HSP90AA1: variants seen among roughly 807,000 people sequenced by gnomAD.
HSP90AA1 encodes heat shock protein 90 alpha family class A member 1.
HSP90AA1 carries 18 observed loss-of-function variants against 73.3 expected under a neutral mutation model. The ratio of observed to expected loss-of-function variants is 0.25; its 90% CI spans 0.17 to 0.36. The LOEUF (loss-of-function observed/expected upper bound fraction) is 0.36, where lower values mean the gene tolerates loss of function less well. HSP90AA1 is among the 10% of genes least tolerant of loss of function. The pLI, the probability that HSP90AA1 is intolerant of heterozygous loss-of-function variation, is 1.00. For synonymous variants in HSP90AA1, 477 were observed against 296.9 expected (o/e 1.61, Z -6.24); for missense variants, 704 against 874.2 (o/e 0.81, Z 2.45).
At chr14:102,082,532 A>C (rs932607931) in intron 9 of HSP90AA1, 88 bp from the exon 10 acceptor site, 40 of 958,866 alleles carry the variant, frequency 4.2e-5, no homozygotes, top group Non-Finnish European at 6.3e-5. Context: ...CCCAAATTTC[A>C]ATAGATCCAA....
chr14:102,137,575 G>A (rs755910441), intron 1 of HSP90AA1, among the ~76,000 whole-genome samples: 6 of 151,974 alleles, frequency 3.9e-5, no homozygotes, highest in East Asian at 3.9e-4. Context: ...TGCCCGCCTC[G>A]GCCTCCCAAA....
rs2049097494 is a variant in HSP90AA1 at position 102,081,497 on chromosome 14, C to G, written c.*215G>C. 1.7e-6 allele frequency: 1 copy of G among 594,256 alleles called. No individual in the cohort carries two copies. The highest frequency in any genetic ancestry group is 1.9e-5 in the African/African-American group (1 of 53,734). The allele number at this position is 594,256 out of a possible 1,614,324, so 36.8% of individuals were successfully genotyped here. On this transcript the variant is annotated 3_prime_UTR_variant, in exon 11 of 11. Transcript: ENST00000216281. ...CGTTACCCCAATCTGTGAAAATAAA[C>G]CAACATGAAACTCAAAAAGCATTAC...
At chr14:102,111,156 C>A (rs2049636664) in intron 1 of HSP90AA1, among the ~76,000 whole-genome samples, 1 of 152,204 alleles carries the variant, frequency 6.6e-6, no homozygotes, top group Non-Finnish European at 1.5e-5. Context: ...TAACGAGGAG[C>A]TGAATGTTAA....
intron 2 of HSP90AA1, among the ~76,000 whole-genome samples, chr14:102,098,254 C>A (rs993041113): frequency 1.3e-5 from 2 of 151,620 alleles, no homozygotes; most frequent in Non-Finnish European, 2.9e-5. Flanking sequence ...CTCCGCCTCC[C>A]GGGTTCAAGC....
intron 1 of HSP90AA1, among the ~76,000 whole-genome samples, chr14:102,122,431 CA>C (rs1466712184): frequency 6.6e-6 from 1 of 151,888 alleles, no homozygotes; most frequent in Admixed American, 6.6e-5. Flanking sequence ...CAGGTGCCCA[CA>C]ACCACACCCG....
chr14:102,120,226 G>A (rs1041891253), intron 1 of HSP90AA1, among the ~76,000 whole-genome samples: 20 of 152,040 alleles, frequency 1.3e-4, no homozygotes, highest in Admixed American at 1.3e-3. Context: ...AGGCATGGTG[G>A]CATGTGCCTG....
intron 1 of HSP90AA1, among the ~76,000 whole-genome samples, chr14:102,135,088 T>C (rs1339020346): frequency 6.6e-6 from 1 of 152,086 alleles, no homozygotes. Context: ...AACCTTGAGC[T>C]AAACACAGGG....
At chr14:102,124,194 T>TTG (rs1166364806) in intron 1 of HSP90AA1, among the ~76,000 whole-genome samples, 1 of 149,178 alleles carries the variant, frequency 6.7e-6, no homozygotes, top group East Asian at 2.0e-4. Flanking sequence ...ATGCTAATTT[T>TTG]TTTTTTTTTT....
intron 1 of HSP90AA1, chr14:102,139,206 T>G: frequency 6.2e-7 from 1 of 1,611,458 alleles, no homozygotes; most frequent in South Asian, 1.1e-5. Flanking sequence ...CTACCCCGCC[T>G]GAAATAAAAC....
chr14:102,139,177 AC>A, intron 1 of HSP90AA1: 1 of 1,549,816 alleles, frequency 6.5e-7, no homozygotes, highest in Non-Finnish European at 8.9e-7. Context: ...CCTATGCTGT[AC>A]CACATTCTTC....
Position 102,126,613 on chromosome 14 carries a change from C to T in HSP90AA1, c.155+12637G>A, listed in dbSNP as rs2049842301. Among the ~76,000 whole-genome samples the T allele has an allele frequency of 2.6e-5, 4 of 152,112 alleles. No homozygotes were observed. In the South Asian group the frequency reaches 8.3e-4, roughly 31 times the overall value. ...AACCACGACTCACTGCAAGCTCCGC[C>T]TCCCGGGTTCACGCCATTCTCTTGC... On this transcript the variant is annotated intron_variant, in intron 1 of 11. Coordinates refer to the HSP90AA1 transcript ENST00000334701.
chr14:102,111,275 C>T (rs1017995985), intron 1 of HSP90AA1, among the ~76,000 whole-genome samples: 10 of 152,218 alleles, frequency 6.6e-5, no homozygotes, highest in African/African-American at 1.9e-4. Flanking sequence ...TTTTATGGGC[C>T]GGGCCCAGGG....
rs763790560 is a variant in HSP90AA1, at chr14:102,086,050, G to C, written c.237C>G (p.Asn79Lys). The C allele has an allele frequency of 1.2e-6, 2 of 1,613,872 alleles. No homozygotes were observed. Among genetic ancestry groups the C allele is most frequent in the Non-Finnish European group, 1.7e-6 (2 of 1,179,826 alleles). Reference sequence around the variant, plus strand: ...TTCGATCTTGTTTGTTCGGTATAAGGTTAATATGCAGCTCTTTCCCAGAGT... The same window carrying C: ...TTCGATCTTGTTTGTTCGGTATAAGCTTAATATGCAGCTCTTTCCCAGAGT... ...KLDSGKELHINLIPNKQDRTL... is the reference protein window; with the variant it reads ...KLDSGKELHIKLIPNKQDRTL... Residue 79 changes from asparagine (N) to lysine (K), a missense_variant, in exon 3 of 11, where the codon AAC (asparagine) becomes AAG (lysine). Coordinates refer to ENST00000216281, the MANE Select transcript of HSP90AA1 (RefSeq NM_005348.4).
upstream of HSP90AA1, among the ~76,000 whole-genome samples, chr14:102,088,398 A>G (rs2049300230): frequency 6.6e-6 from 1 of 152,212 alleles, no homozygotes; most frequent in Non-Finnish European, 1.5e-5. Flanking sequence ...TAAAGAAACG[A>G]TGGAACTACC....
In HSP90AA1 at chr14:102,084,851, C is replaced by G. The variant is rs1410478860; in HGVS notation, c.811G>C (p.Asp271His). Residue 271 changes from aspartate to histidine, a missense_variant, in exon 5 of 11, where the codon GAT (aspartate) becomes CAT (histidine). Asp to His is a moderately conservative substitution (Grantham distance 81). Transcript: ENST00000216281. ...TTCTTCTTCTTCTTCTTGTCACCAT[C>G]CTTCTTTTCTTCTTCCTCATCAGAA... ...VGSDEEEEKK[D>H]GDKKKKKKIK... 6.3e-7 allele frequency: 1 copy of G among 1,588,550 alleles called. No individual in the cohort carries two copies. Among genetic ancestry groups the G allele is most frequent in the Non-Finnish European group, 8.6e-7 (1 of 1,157,022 alleles).
At chr14:102,104,561 G>C (rs1283480060) in intron 1 of HSP90AA1, among the ~76,000 whole-genome samples, 1 of 152,064 alleles carries the variant, frequency 6.6e-6, no homozygotes, top group East Asian at 1.9e-4. Context: ...GACCAAATCA[G>C]GGTAATTGGG....
At chr14:102,116,314 G>C (rs1160753557) in intron 1 of HSP90AA1, among the ~76,000 whole-genome samples, 1 of 152,150 alleles carries the variant, frequency 6.6e-6, no homozygotes, top group Non-Finnish European at 1.5e-5. Context: ...TGTTTGCTCA[G>C]ATCCTTTGTC....
intron 1 of HSP90AA1, among the ~76,000 whole-genome samples, chr14:102,123,024 TAATTCTGAC>T (rs1308255074): frequency 2.0e-5 from 3 of 152,242 alleles, no homozygotes; most frequent in African/African-American, 7.2e-5. Context: ...AAACTTAGAA[TAATTCTGAC>T]AAACTGTAAA....
At chr14:102,108,263 C>CA (rs34157305) in intron 1 of HSP90AA1, among the ~76,000 whole-genome samples, 55,009 of 79,566 alleles carry the variant, frequency 0.69, 18,612 homozygotes, top group East Asian at 0.8. Context: ...ACCTTGTCTC[C>CA]AAAAAAAAAA....
Sources: allele counts gnomAD v4.1 joint callset (sites outside exome capture counted in the v4.1 genomes callset), GRCh38; gene constraint gnomAD v4.1.1; transcripts MANE v1.5; gene names NCBI Gene and HGNC (gene_info 2026-07-23, HGNC 2026-07-21).